The following CKAP5 variants were observed in gnomAD, a reference collection of about 807,000 sequenced individuals.
CKAP5 encodes the protein cytoskeleton-associated protein 5.
A neutral mutation model predicts 232.8 loss-of-function variants in CKAP5; 27 were observed. The ratio of observed to expected loss-of-function variants is 0.12; its 90% confidence interval spans 0.09 to 0.16. The LOEUF is 0.16. Among genes scored for constraint, CKAP5 ranks in the 10% least tolerant of loss-of-function variants. The pLI is 1.00. For synonymous variants in CKAP5, 785 were observed against 841.1 expected (o/e 0.93, Z 1.16); for missense variants, 1,838 against 2,424.7 (o/e 0.76, Z 5.08).
intron 35 of CKAP5, among the ~76,000 whole-genome samples, chr11:46,756,621 T>C (rs2065112184): frequency 6.6e-6 from 1 of 152,220 alleles, no homozygotes; most frequent in African/African-American, 2.4e-5. Flanking sequence ...CCATTTTCTC[T>C]AATGACCTCA....
At position 46,770,937 on chromosome 11, in the gene CKAP5, G is replaced by C. The variant is rs2134606600; in HGVS notation, c.3037C>G (p.Pro1013Ala). 3 of 1,613,794 alleles carry C rather than the reference G, an allele frequency of 1.9e-6. No individual in the cohort carries two copies. The highest frequency in any genetic ancestry group is 1.3e-5 in the African/African-American group (1 of 75,016). The change falls in exon 25 of 44, where the codon CCT becomes GCT. Residue 1013 changes from proline to alanine, a missense_variant. Transcript: ENST00000529230. ...GGAACACAAAGGATAAGGTCTGTAG[G>C]GGTGGAACGAAGAGTAGGTAGTTTC... is the stretch of plus-strand genomic sequence containing the variant. ...AEKLPTLRST[P>A]TDLILCVPHL...
intron 36 of CKAP5, 68 bp downstream of exon 36, chr11:46,754,820 T>G: frequency 1.5e-6 from 2 of 1,375,800 alleles, no homozygotes; most frequent in Non-Finnish European, 2.0e-6. Context: ...CTGCATGGAC[T>G]CTGGCTTTTG....
Position 46,750,582 on chromosome 11 carries a change from A to C in CKAP5, c.5490T>G (p.Asn1830Lys). ...TCTTAAAAATCTCAGCTAAGAAATCATTCACTTTGGCCTTTGATGATTTTT... is the reference window on the plus strand; with the variant it reads ...TCTTAAAAATCTCAGCTAAGAAATCCTTCACTTTGGCCTTTGATGATTTTT... The part of the protein sequence containing the change: ...IDEKSSKAKV[N>K]DFLAEIFKKI... Residue 1830 changes from asparagine to lysine, a missense_variant, in exon 41 of 44, where the codon AAT becomes AAG. Asn to Lys is a moderately conservative substitution (Grantham distance 94). Transcript: ENST00000529230. The C allele has an allele frequency of 6.2e-7, 1 of 1,613,800 alleles. No homozygotes were observed. The highest frequency in any genetic ancestry group is 8.5e-7 in the Non-Finnish European group (1 of 1,179,868).
chr11:46,807,772 C>G (rs927561289), intron 8 of CKAP5, among the ~76,000 whole-genome samples: 1 of 152,196 alleles, frequency 6.6e-6, no homozygotes, highest in Non-Finnish European at 1.5e-5. Context: ...TCTAGATCAG[C>G]AACTCTCTTT....
chr11:46,826,390 C>A (rs1289251825), intron 1 of CKAP5, among the ~76,000 whole-genome samples: 1 of 152,206 alleles, frequency 6.6e-6, no homozygotes, highest in South Asian at 2.1e-4. Flanking sequence ...CATCCCAAAG[C>A]TACCAAGGTC....
rs2065000278 is a variant in CKAP5 at position 46,743,572 on chromosome 11, TCTTAA to T, written c.*446_*450del. 1.2e-5 allele frequency: 2 copies of T among 164,866 alleles called. No individual in the cohort carries two copies. The highest frequency in any genetic ancestry group is 3.3e-3 in the Middle Eastern group (1 of 304). The allele number at this position is 164,866 out of a possible 1,614,324, so 10.2% of individuals were successfully genotyped here. A position where few individuals can be genotyped will look rare whatever the true frequency, so the allele number is the denominator to read the frequency against. The stretch of plus-strand genomic sequence containing the variant: ...AATGCAAACTTTATTTATAAAAGAC[TCTTAA>T]ATTAGTTGTATCATGCCATGCATTC... On this transcript the variant is annotated 3_prime_UTR_variant, in exon 44 of 44. Transcript: ENST00000529230.
intron 18 of CKAP5, among the ~76,000 whole-genome samples, chr11:46,780,843 C>T (rs1454218188): frequency 1.4e-4 from 21 of 152,062 alleles, no homozygotes; most frequent in Non-Finnish European, 2.9e-5. Flanking sequence ...AGGCTGGTCT[C>T]GCACTCCTTA....
intron 42 of CKAP5, among the ~76,000 whole-genome samples, chr11:46,748,970 TA>T (rs1363037154): frequency 1.3e-5 from 2 of 151,320 alleles, no homozygotes; most frequent in Non-Finnish European, 2.9e-5. Flanking sequence ...TAGCTGGGAC[TA>T]CAGGCGCACG....
intron 33 of CKAP5, 50 bp from the exon 34 acceptor site, chr11:46,759,492 A>C: frequency 6.4e-7 from 1 of 1,554,542 alleles, no homozygotes; most frequent in Non-Finnish European, 8.7e-7. Flanking sequence ...TTCTTAACCA[A>C]AGGGCAAGAG....
intron 1 of CKAP5, among the ~76,000 whole-genome samples, chr11:46,837,615 A>G (rs1390444813): frequency 1.3e-5 from 2 of 152,112 alleles, no homozygotes; most frequent in Non-Finnish European, 2.9e-5. Flanking sequence ...AATACACAAG[A>G]TGAGCCTGGA....
intron 36 of CKAP5, among the ~76,000 whole-genome samples, chr11:46,753,872 G>A (rs2065089729): frequency 1.3e-5 from 2 of 152,020 alleles, no homozygotes; most frequent in African/African-American, 4.8e-5. Flanking sequence ...GATTACAGGC[G>A]TGAGCCACCG....
At chr11:46,771,083 G>T in intron 24 of CKAP5, 101 bp from the exon 25 acceptor site, 1 of 938,592 alleles carries the variant, frequency 1.1e-6, no homozygotes, top group Non-Finnish European at 1.6e-6. Flanking sequence ...CACTGAATTA[G>T]CTTTCACACT....
chr11:46,762,397 A>G, intron 31 of CKAP5: 1 of 844,942 alleles, frequency 1.2e-6, no homozygotes, highest in South Asian at 1.3e-5. Context: ...CCTGTGAGTC[A>G]GATGGCCCCT....
chr11:46,745,133 G>A (rs2065013137), intron 42 of CKAP5, among the ~76,000 whole-genome samples: 1 of 152,126 alleles, frequency 6.6e-6, no homozygotes, highest in Non-Finnish European at 1.5e-5. Context: ...GCAGGAGAGA[G>A]GAAAACCAAA....
At chr11:46,749,076 C>T (rs888811932) in intron 42 of CKAP5, among the ~76,000 whole-genome samples, 4 of 151,446 alleles carry the variant, frequency 2.6e-5, no homozygotes, top group Admixed American at 6.6e-5. Context: ...GTGATCTGCC[C>T]GCCTCAGCCT....
At chr11:46,840,130 A>AAATT (rs915895273) in intron 1 of CKAP5, among the ~76,000 whole-genome samples, 11 of 152,140 alleles carry the variant, frequency 7.2e-5, no homozygotes, top group East Asian at 1.9e-4. Flanking sequence ...TGTCTCAAAA[A>AAATT]AATTAATTAA....
At chr11:46,797,402 A>C (rs1000863192) in intron 11 of CKAP5, among the ~76,000 whole-genome samples, 4 of 151,996 alleles carry the variant, frequency 2.6e-5, no homozygotes, top group South Asian at 2.1e-4. Flanking sequence ...AAAAAAAAAA[A>C]ACAAAAATTT....
At chr11:46,765,031 A>T in intron 28 of CKAP5, 100 bp downstream of exon 28, 1 of 1,093,064 alleles carries the variant, frequency 9.1e-7, no homozygotes, top group Non-Finnish European at 1.3e-6. Context: ...GAAACACTTA[A>T]TTCCTAGATA....
intron 16 of CKAP5, among the ~76,000 whole-genome samples, chr11:46,787,595 G>A (rs1351902451): frequency 6.6e-6 from 1 of 152,036 alleles, no homozygotes; most frequent in African/African-American, 2.4e-5. Flanking sequence ...TTTAAGGACT[G>A]CACTTATTTT....
Sources: allele counts gnomAD v4.1 joint callset (sites outside exome capture counted in the v4.1 genomes callset), GRCh38; gene constraint gnomAD v4.1.1; transcripts MANE v1.5; gene names NCBI Gene and HGNC (gene_info 2026-07-23, HGNC 2026-07-21).